The following PDE10A variants were observed in gnomAD, a reference collection of about 807,000 sequenced individuals.
The protein encoded by PDE10A is phosphodiesterase 10A.
PDE10A carries 39 observed loss-of-function variants against 97.7 expected under a neutral mutation model. The observed-to-expected ratio is 0.40, with a 90% confidence interval of 0.31 to 0.52. The LOEUF (loss-of-function observed/expected upper bound fraction) is 0.52, where lower values mean the gene tolerates loss of function less well. Ranked by LOEUF, PDE10A falls within the 20% of genes least tolerant of loss-of-function variation. The pLI is 0.56. For synonymous variants in PDE10A, 371 were observed against 376.8 expected (o/e 0.98, Z 0.18); for missense variants, 731 against 1,047.8 (o/e 0.70, Z 4.17).
intron 1 of PDE10A, among the ~76,000 whole-genome samples, chr6:165,774,392 T>C (rs1289826616): frequency 2.0e-5 from 3 of 150,702 alleles, no homozygotes; most frequent in Non-Finnish European, 4.4e-5. Flanking sequence ...TTATGTGTAT[T>C]TTAAAAATGC....
chr6:165,526,535 A>G (rs371879139), intron 2 of PDE10A, among the ~76,000 whole-genome samples: 73 of 152,348 alleles, frequency 4.8e-4, no homozygotes, highest in African/African-American at 1.6e-3. Context: ...GAGGGACTGC[A>G]GAGATTAGTG....
intron 1 of PDE10A, among the ~76,000 whole-genome samples, chr6:165,715,981 C>T (rs759002272): frequency 3.9e-5 from 6 of 152,178 alleles, no homozygotes; most frequent in South Asian, 2.1e-4. Context: ...TTTTTGCCCA[C>T]GGAAGCCTCC....
chr6:165,851,471 C>A (rs1433719255), intron 1 of PDE10A, among the ~76,000 whole-genome samples: 1 of 152,224 alleles, frequency 6.6e-6, no homozygotes, highest in Non-Finnish European at 1.5e-5. Context: ...ACGTGCTAGA[C>A]ACTGTGCCAG....
chr6:165,380,285 T>C (rs1784853453), intron 17 of PDE10A, among the ~76,000 whole-genome samples: 1 of 152,210 alleles, frequency 6.6e-6, no homozygotes, highest in South Asian at 2.1e-4. Flanking sequence ...TTTCAATTAA[T>C]TTCACTTTTC....
rs76131673 is a variant in PDE10A, at chr6:165,747,992, C to T, written c.-614-204424G>A. 1.9e-3 allele frequency among the ~76,000 whole-genome samples: 288 copies of T among 152,190 alleles called. 2 individuals carry two copies. The highest frequency in any genetic ancestry group is 6.5e-3 in the African/African-American group (271 of 41,520). ...CAGGGACCTTCCAGACTATTGTTGCCGCAGCCAATAGCCCCAATTGGTGCT... is the reference window on the plus strand; with the variant it reads ...CAGGGACCTTCCAGACTATTGTTGCTGCAGCCAATAGCCCCAATTGGTGCT... On this transcript the variant is annotated intron_variant, in intron 1 of 19. Coordinates refer to the PDE10A transcript ENST00000366882.
At chr6:165,432,890 A>C in intron 7 of PDE10A, 84 bp downstream of exon 7, 2 of 887,188 alleles carry the variant, frequency 2.3e-6, no homozygotes, top group South Asian at 3.5e-5. Context: ...TTTTCAGTTT[A>C]GTATTACTTA....
rs149458932 is a variant in PDE10A at position 165,720,989 on chromosome 6, G to A, written c.-614-177421C>T. 1.7e-3 allele frequency among the ~76,000 whole-genome samples: 258 copies of A among 152,320 alleles called. 1 individual carries two copies. The highest frequency in any genetic ancestry group is 5.8e-3 in the African/African-American group (241 of 41,566). The stretch of plus-strand genomic sequence containing the variant: ...ACTTTAAATAAGAAAGAATGTTGAG[G>A]ACGTATGGAAAGTTATGTGTAAATA... On this transcript the variant is annotated intron_variant, in intron 1 of 19. Transcript: ENST00000366882.
At chr6:165,505,450 T>C (rs141203023) in intron 2 of PDE10A, among the ~76,000 whole-genome samples, 1 of 152,280 alleles carries the variant, frequency 6.6e-6, no homozygotes, top group East Asian at 1.9e-4. Flanking sequence ...TGATTAAACA[T>C]ACACTGATCC....
At chr6:165,896,521 A>ATTTTTTTTT (rs35509574) in intron 1 of PDE10A, among the ~76,000 whole-genome samples, 1 of 105,782 alleles carries the variant, frequency 9.5e-6, no homozygotes, top group Non-Finnish European at 1.8e-5. Flanking sequence ...ACGCCAGCTA[A>ATTTTTTTTT]TTTTTTTTTT....
intron 1 of PDE10A, among the ~76,000 whole-genome samples, chr6:165,804,232 A>C (rs1465122628): frequency 6.6e-6 from 1 of 152,204 alleles, no homozygotes; most frequent in Non-Finnish European, 1.5e-5. Context: ...GATAGGGAAG[A>C]TTCAAGGAAA....
At chr6:165,504,178 AAGAATTTTTTT>A (rs1781059919) in intron 2 of PDE10A, among the ~76,000 whole-genome samples, 1 of 152,188 alleles carries the variant, frequency 6.6e-6, no homozygotes, top group Non-Finnish European at 1.5e-5. Context: ...CCTAAGGAGG[AAGAATTTTTTT>A]AGAATATTAT....
chr6:165,691,106 T>TCCCC lies in PDE10A; in HGVS notation c.-614-147542_-614-147539dup, dbSNP rs35264122. Reference sequence around the variant, plus strand: ...CTCTCTCTCTCTCTCTCTTTCTCTCTCCCCCCCCCCATCAGTGCCTGTGGT... The same window carrying TCCCC: ...CTCTCTCTCTCTCTCTCTTTCTCTCTCCCCCCCCCCCCCCATCAGTGCCTGTGGT... On this transcript the variant is annotated intron_variant, in intron 1 of 19. Coordinates refer to the PDE10A transcript ENST00000366882. 2.2e-3 allele frequency among the ~76,000 whole-genome samples: 86 copies of TCCCC among 39,124 alleles called. 7 individuals are homozygous for TCCCC. Among genetic ancestry groups the TCCCC allele is most frequent in the African/African-American group, 4.8e-3 (43 of 8,918 alleles). The allele number at this position is 39,124 out of a possible 152,430, so 25.7% of individuals were successfully genotyped here.
Position 165,554,212 on chromosome 6 carries a change from A to G in PDE10A, c.866-10644T>C, listed in dbSNP as rs114834545. 9.3e-3 allele frequency among the ~76,000 whole-genome samples: 1,422 copies of G among 152,278 alleles called. 22 individuals are homozygous for G. Among genetic ancestry groups the G allele is most frequent in the African/African-American group, 0.033 (1,363 of 41,566 alleles). ...TGCCCAGTCAAGGATACAATCAACA[A>G]AGTGAAGAGACAATCCATGGACTGG... is the stretch of plus-strand genomic sequence containing the variant. On this transcript the variant is annotated intron_variant, in intron 1 of 21. Transcript: ENST00000539869.
intron 3 of PDE10A, among the ~76,000 whole-genome samples, chr6:165,453,758 C>A (rs1777773337): frequency 2.0e-5 from 3 of 152,216 alleles, no homozygotes; most frequent in Non-Finnish European, 4.4e-5. Flanking sequence ...TAGTAGTCAG[C>A]CTGGGGCCCA....
At chr6:165,826,579 C>T (rs943524778) in intron 1 of PDE10A, among the ~76,000 whole-genome samples, 67 of 151,044 alleles carry the variant, frequency 4.4e-4, no homozygotes, top group Middle Eastern at 3.4e-3. Flanking sequence ...CGCCACGCCC[C>T]CAGGTATGTA....
rs551975064 is a variant in PDE10A, at chr6:165,525,499, G to T, written c.994+17941C>A. Among the ~76,000 whole-genome samples, 6 of 152,136 alleles carry T rather than the reference G, an allele frequency of 3.9e-5. No individual in the cohort carries two copies. In the South Asian group the frequency reaches 1.2e-3, roughly 32 times the overall value. On this transcript the variant is annotated intron_variant, in intron 2 of 21. Transcript: ENST00000539869. ...CCAAAGGCTTAGGGAAATTAGGATG[G>T]TGGAGTGGATTAGACACTTTAGACC...
intron 1 of PDE10A, among the ~76,000 whole-genome samples, chr6:165,727,848 T>C (rs541485903): frequency 1.2e-3 from 179 of 152,384 alleles, no homozygotes; most frequent in African/African-American, 4.1e-3. Flanking sequence ...TTTCATCTTA[T>C]GCTGCTGAAA....
chr6:165,548,643 T>C (rs974294943), intron 1 of PDE10A, among the ~76,000 whole-genome samples: 1 of 152,172 alleles, frequency 6.6e-6, no homozygotes, highest in Non-Finnish European at 1.5e-5. Context: ...AGAAGTTTTT[T>C]GTGATGTCAG....
In PDE10A at chr6:165,466,193, T is replaced by C. The variant is rs979830123; in HGVS notation, c.1024-15831A>G. Reference sequence around the variant, plus strand: ...TAATTTTCAAAGGGCTTTTTATAAATTAATGAATCTCATTTAGGACAAAAA... The same window carrying C: ...TAATTTTCAAAGGGCTTTTTATAAACTAATGAATCTCATTTAGGACAAAAA... On this transcript the variant is annotated intron_variant, in intron 3 of 21. Transcript: ENST00000539869. Among the ~76,000 whole-genome samples, 5 of 152,336 alleles carry C rather than the reference T, an allele frequency of 3.3e-5. 1 individual carries two copies. Among genetic ancestry groups the C allele is most frequent in the Middle Eastern group, 6.8e-3 (2 of 294 alleles).
Sources: gnomAD v4.1 joint callset for allele counts (sites outside exome capture counted in the v4.1 genomes callset) on GRCh38, gnomAD v4.1.1 for gene constraint, MANE v1.5 for transcripts, NCBI Gene and HGNC (gene_info 2026-07-23, HGNC 2026-07-21) for gene names.